The following KIRREL3 variants were observed in gnomAD, a reference collection of about 807,000 sequenced individuals.
KIRREL3 encodes the protein kin of IRRE-like protein 3.
In KIRREL3, 36 loss-of-function variants were observed where a neutral mutation model predicts 89.7. The ratio of observed to expected loss-of-function variants is 0.40; its 90% CI spans 0.31 to 0.53. The LOEUF (loss-of-function observed/expected upper bound fraction) is 0.53, where lower values mean the gene tolerates loss of function less well. Among genes scored for constraint, KIRREL3 ranks in the 20% least tolerant of loss-of-function variants. The pLI, the probability that KIRREL3 is intolerant of heterozygous loss-of-function variation, is 0.49. For synonymous variants in KIRREL3, 445 were observed against 441.4 expected, an observed-to-expected ratio of 1.01 and a Z score of -0.10; for missense variants, 864 against 1,056.6, an observed-to-expected ratio of 0.82 and a Z score of 2.53.
In KIRREL3 at chr11:126,587,529, C is replaced by T. The variant is rs901190673; in HGVS notation, c.56-24617G>A. On this transcript the variant is annotated intron_variant, in intron 1 of 16. Coordinates refer to ENST00000525144, the MANE Select transcript of KIRREL3 (RefSeq NM_032531.4). This position sits in a 1 kb window ranked among gnomAD's most constrained non-coding sequence, Gnocchi z 5.2. Reference sequence around the variant, plus strand: ...TAGCCTGCAGTCTTCACTGTGCTCTCGACTCCCCCAGCCTTTCATTGTATG... The same window carrying T: ...TAGCCTGCAGTCTTCACTGTGCTCTTGACTCCCCCAGCCTTTCATTGTATG... Among the ~76,000 whole-genome samples the T allele has an allele frequency of 5.9e-5, 9 of 152,154 alleles. No homozygotes were observed. The highest frequency in any genetic ancestry group is 2.1e-4 in the South Asian group (1 of 4,828).
chr11:126,649,721 T>C (rs1195563919), intron 1 of KIRREL3, among the ~76,000 whole-genome samples: 1 of 152,204 alleles, frequency 6.6e-6, no homozygotes. Context: ...ATTGAGTGTC[T>C]GCGGCTCTTC....
At chr11:126,660,097 G>A (rs1050704243) in intron 1 of KIRREL3, among the ~76,000 whole-genome samples, 5 of 152,170 alleles carry the variant, frequency 3.3e-5, no homozygotes, top group African/African-American at 7.2e-5. Flanking sequence ...AGGATCTGGG[G>A]CAGACAGTGG....
chr11:126,497,110 C>CTG (rs60261632), intron 4 of KIRREL3, among the ~76,000 whole-genome samples: 49,332 of 148,892 alleles, frequency 0.33, 8,705 homozygotes, highest in Middle Eastern at 0.47. Context: ...GCCTGCTTGG[C>CTG]TGTGTGTGTG....
chr11:126,948,301 A>T lies in KIRREL3; in HGVS notation c.55+52154T>A, dbSNP rs1948678010. Among the ~76,000 whole-genome samples, 1 of 151,872 alleles carries T rather than the reference A, an allele frequency of 6.6e-6. No individual in the cohort carries two copies. Among genetic ancestry groups the T allele is most frequent in the Non-Finnish European group, 1.5e-5 (1 of 67,940 alleles). On this transcript the variant is annotated intron_variant, in intron 1 of 16. Coordinates refer to ENST00000525144, the MANE Select transcript of KIRREL3 (RefSeq NM_032531.4). This position sits in a 1 kb window ranked among gnomAD's most constrained non-coding sequence, Gnocchi z 4.5. The stretch of plus-strand genomic sequence containing the variant: ...ATTTCAAGAATAGCATAAAAAAAAA[A>T]CCTCTTTGGCCTGAACCTGTCCAAC...
rs1453775378 is a variant in KIRREL3, at chr11:126,566,860, C to T, written c.56-3948G>A. Among the ~76,000 whole-genome samples the T allele has an allele frequency of 1.3e-5, 2 of 152,172 alleles. No homozygotes were observed. The highest frequency in any genetic ancestry group is 4.8e-5 in the African/African-American group (2 of 41,434). Reference sequence around the variant, plus strand: ...GCTCACAGTAAGTAGCTCTGTGACACAGGCAAGTCAGAAATTATCTATTTC... The same window carrying T: ...GCTCACAGTAAGTAGCTCTGTGACATAGGCAAGTCAGAAATTATCTATTTC... On this transcript the variant is annotated intron_variant, in intron 1 of 16. Coordinates refer to ENST00000525144, the MANE Select transcript of KIRREL3 (RefSeq NM_032531.4). The surrounding 1 kb of genome is among the most constrained non-coding windows in gnomAD (Gnocchi z 4.9).
At chr11:126,453,263 G>A (rs1219354305) in intron 7 of KIRREL3, among the ~76,000 whole-genome samples, 2 of 152,046 alleles carry the variant, frequency 1.3e-5, no homozygotes, top group Non-Finnish European at 2.9e-5. Context: ...CGTGTGGGGG[G>A]GCCACATCCC....
chr11:126,516,014 G>C lies in KIRREL3; in HGVS notation c.433+5301C>G, dbSNP rs999850307. Among the ~76,000 whole-genome samples, 2 of 152,194 alleles carry C rather than the reference G, an allele frequency of 1.3e-5. No homozygotes were observed. Among genetic ancestry groups the C allele is most frequent in the Non-Finnish European group, 2.9e-5 (2 of 68,040 alleles). On this transcript the variant is annotated intron_variant, in intron 4 of 16. Coordinates refer to ENST00000525144, the MANE Select transcript of KIRREL3 (RefSeq NM_032531.4). The surrounding 1 kb of genome is among the most constrained non-coding windows in gnomAD (Gnocchi z 4.9). ...GATTCATGGATGGGAGATTGGGGGAGGCTGCCAACGCGGTGGGCTGAGGAG... is the reference window on the plus strand; with the variant it reads ...GATTCATGGATGGGAGATTGGGGGACGCTGCCAACGCGGTGGGCTGAGGAG...
In KIRREL3 at chr11:126,917,709, C is replaced by T. The variant is rs971645753; in HGVS notation, c.55+82746G>A. ...ATACTAGAAACCATATACTAGAAAC[C>T]ACTCACACTAGAAACCAATAGTGAG... On this transcript the variant is annotated intron_variant, in intron 1 of 16. Coordinates refer to ENST00000525144, the MANE Select transcript of KIRREL3 (RefSeq NM_032531.4). The surrounding 1 kb of genome is among the most constrained non-coding windows in gnomAD (Gnocchi z 5.0). Among the ~76,000 whole-genome samples the T allele has an allele frequency of 6.6e-6, 1 of 152,120 alleles. No individual in the cohort carries two copies. The highest frequency in any genetic ancestry group is 2.4e-5 in the African/African-American group (1 of 41,416).
intron 1 of KIRREL3, among the ~76,000 whole-genome samples, chr11:126,757,622 G>A (rs1949546621): frequency 6.6e-6 from 1 of 152,082 alleles, no homozygotes; most frequent in Non-Finnish European, 1.5e-5. Context: ...TTGAATCCTT[G>A]ATCTGGTGAC....
chr11:126,770,208 C>A (rs1262100610), intron 1 of KIRREL3, among the ~76,000 whole-genome samples: 1 of 152,188 alleles, frequency 6.6e-6, no homozygotes, highest in Non-Finnish European at 1.5e-5. Flanking sequence ...CCCCTTGCTT[C>A]TTCAGTTACA....
At chr11:126,979,091 C>T (rs961461665) in intron 1 of KIRREL3, among the ~76,000 whole-genome samples, 7 of 152,078 alleles carry the variant, frequency 4.6e-5, no homozygotes, top group African/African-American at 1.4e-4. Flanking sequence ...ACATAGAGTC[C>T]GAATTCACCC....
Position 126,427,275 on chromosome 11 carries a change from A to G in KIRREL3, c.1807-1551T>C, listed in dbSNP as rs909584568. ...TTTTAACAGTGTCAGGCCCTGTGTT[A>G]GGCCCCAGGGGAAATAGATGAGCGT... is the stretch of plus-strand genomic sequence containing the variant. On this transcript the variant is annotated intron_variant, in intron 15 of 16. Transcript: ENST00000525144. The surrounding 1 kb of genome is among the most constrained non-coding windows in gnomAD (Gnocchi z 5.3). Among the ~76,000 whole-genome samples, 1 of 152,210 alleles carries G rather than the reference A, an allele frequency of 6.6e-6. No homozygotes were observed. The highest frequency in any genetic ancestry group is 1.5e-5 in the Non-Finnish European group (1 of 68,040).
intron 16 of KIRREL3, 127 bp from the exon 17 acceptor site, chr11:126,425,150 C>T (rs1954892798): frequency 1.2e-6 from 1 of 862,614 alleles, no homozygotes; most frequent in African/African-American, 1.7e-5. Context: ...AGGGAGCAAC[C>T]TGGTAGGGAG....
intron 1 of KIRREL3, among the ~76,000 whole-genome samples, chr11:126,819,696 C>T (rs754987529): frequency 6.6e-6 from 1 of 152,254 alleles, no homozygotes; most frequent in Non-Finnish European, 1.5e-5. Flanking sequence ...CCACAGGCAT[C>T]ACTGAGGCCA....
chr11:126,786,594 C>A (rs1241553948), intron 1 of KIRREL3, among the ~76,000 whole-genome samples: 4 of 152,224 alleles, frequency 2.6e-5, no homozygotes, highest in Non-Finnish European at 5.9e-5. Flanking sequence ...CAGAGACACA[C>A]TGACTTCCTC....
At position 126,983,811 on chromosome 11, in the gene KIRREL3, A is replaced by G. The variant is rs1212215264; in HGVS notation, c.55+16644T>C. Among the ~76,000 whole-genome samples, 1 of 152,216 alleles carries G rather than the reference A, an allele frequency of 6.6e-6. No homozygotes were observed. The highest frequency in any genetic ancestry group is 1.5e-5 in the Non-Finnish European group (1 of 68,042). ...TTTAAGCCACTACGTCTGTGGTAACATGTTAACAGCAGCACTGGGAAACAA... is the reference window on the plus strand; with the variant it reads ...TTTAAGCCACTACGTCTGTGGTAACGTGTTAACAGCAGCACTGGGAAACAA... On this transcript the variant is annotated intron_variant, in intron 1 of 16. Coordinates refer to ENST00000525144, the MANE Select transcript of KIRREL3 (RefSeq NM_032531.4). The surrounding 1 kb of genome is among the most constrained non-coding windows in gnomAD (Gnocchi z 4.9).
Position 126,508,844 on chromosome 11 carries a change from G to A in KIRREL3, c.433+12471C>T, listed in dbSNP as rs959784057. Among the ~76,000 whole-genome samples, 5 of 152,166 alleles carry A rather than the reference G, an allele frequency of 3.3e-5. No homozygotes were observed. The highest frequency in any genetic ancestry group is 4.8e-5 in the African/African-American group (2 of 41,432). On this transcript the variant is annotated intron_variant, in intron 4 of 16. Transcript: ENST00000525144. The surrounding 1 kb of genome is among the most constrained non-coding windows in gnomAD (Gnocchi z 4.9). ...GGTCAGAGGGCAGATGAAGGCATGC[G>A]AGTGGGTTCCTCAGCACAGTGCCTG... is the stretch of plus-strand genomic sequence containing the variant.
chr11:126,967,201 T>C (rs1272476912), intron 1 of KIRREL3, among the ~76,000 whole-genome samples: 1 of 152,190 alleles, frequency 6.6e-6, no homozygotes, highest in Non-Finnish European at 1.5e-5. Context: ...TGTCCAGCTC[T>C]TCCTCTTTGT....
At position 126,931,205 on chromosome 11, in the gene KIRREL3, C is replaced by T. The variant is rs910243177; in HGVS notation, c.55+69250G>A. On this transcript the variant is annotated intron_variant, in intron 1 of 16. Transcript: ENST00000525144. This position sits in a 1 kb window ranked among gnomAD's most constrained non-coding sequence, Gnocchi z 5.1. ...AGCTCTTTGAGGGAAAGTCCTGTTT[C>T]TTGGACACTGTTGTTTCTTGGACAC... Among the ~76,000 whole-genome samples, 3 of 151,992 alleles carry T rather than the reference C, an allele frequency of 2.0e-5. No individual in the cohort carries two copies. Among genetic ancestry groups the T allele is most frequent in the African/African-American group, 7.2e-5 (3 of 41,420 alleles).
Sources: allele counts gnomAD v4.1 joint callset (sites outside exome capture counted in the v4.1 genomes callset), GRCh38; gene constraint gnomAD v4.1.1; non-coding constraint Gnocchi (gnomAD v3.1); transcripts MANE v1.5; gene names NCBI Gene and HGNC (gene_info 2026-07-23, HGNC 2026-07-21).